The following PCDHGA4 variants were observed in gnomAD, a reference collection of about 807,000 sequenced individuals.
PCDHGA4 encodes the protein protocadherin gamma subfamily A, 4.
PCDHGA4 carries 38 observed loss-of-function variants against 54.6 expected under a neutral mutation model. The observed-to-expected ratio is 0.70, with a 90% CI of 0.54 to 0.91. The LOEUF (loss-of-function observed/expected upper bound fraction) is 0.91, where lower values mean the gene tolerates loss of function less well. Ranked by LOEUF, PCDHGA4 falls within the 40% of genes least tolerant of loss-of-function variation. The probability of loss-of-function intolerance (pLI) is 0.00; values close to 1 mark genes in which losing one functional copy is unlikely to be tolerated. For synonymous variants in PCDHGA4, 511 were observed against 512.9 expected (o/e 1.00, Z 0.05); for missense variants, 1,298 against 1,220.9 (o/e 1.06, Z -0.94).
At chr5:141,496,782 C>T (rs552953558) in intron 2 of PCDHGA4, among the ~76,000 whole-genome samples, 16 of 152,136 alleles carry the variant, frequency 1.1e-4, no homozygotes, top group South Asian at 2.1e-4. Context: ...TGAGCAGGGC[C>T]CTGTGCTAAA....
chr5:141,403,703 G>A (rs747321937), intron 1 of PCDHGA4: 5 of 1,613,946 alleles, frequency 3.1e-6, no homozygotes, highest in Non-Finnish European at 4.2e-6. Context: ...CCGAGTTAAA[G>A]TCCTTGAGAA....
chr5:141,375,211 T>G, intron 1 of PCDHGA4: 1 of 1,614,010 alleles, frequency 6.2e-7, no homozygotes, highest in Non-Finnish European at 8.5e-7. Flanking sequence ...ATCGAGACTC[T>G]GGCCTGAATG....
chr5:141,374,885 G>C, intron 1 of PCDHGA4: 1 of 1,613,634 alleles, frequency 6.2e-7, no homozygotes, highest in Non-Finnish European at 8.5e-7. Flanking sequence ...GACTGCCACC[G>C]ACCAGGATGA....
intron 1 of PCDHGA4, chr5:141,396,416 C>T (rs1336875388): frequency 6.6e-6 from 1 of 152,140 alleles, no homozygotes; most frequent in Non-Finnish European, 1.5e-5. Flanking sequence ...GTCAGGAGTT[C>T]AAGATCAGCC....
In PCDHGA4 at chr5:141,476,073, A is replaced by C. The variant is rs765071344; in HGVS notation, c.2515-18734A>C. On this transcript the variant is annotated intron_variant, in intron 1 of 3. Coordinates refer to ENST00000571252, the MANE Select transcript of PCDHGA4 (RefSeq NM_018917.4). The surrounding 1 kb of genome is among the most constrained non-coding windows in gnomAD (Gnocchi z 7.6). ...GCTGAAAGTTTCTCAGCGAAATCTC[A>C]GGGACGATCTGGACCCCGCTGAGAG... 4 of 1,524,010 alleles carry C rather than the reference A, an allele frequency of 2.6e-6. No individual in the cohort carries two copies. Among genetic ancestry groups the C allele is most frequent in the Admixed American group, 4.2e-5 (2 of 47,746 alleles). The allele number at this position is 1,524,010 out of a possible 1,614,324, so 94.4% of individuals were successfully genotyped here. A position where few individuals can be genotyped will look rare whatever the true frequency, so the allele number is the denominator to read the frequency against.
At chr5:141,427,525 C>T (rs779318429) in intron 1 of PCDHGA4, 9 of 611,980 alleles carry the variant, frequency 1.5e-5, no homozygotes, top group South Asian at 3.0e-5. Flanking sequence ...GAGCGGATCC[C>T]GGAGTACAAC....
intron 2 of PCDHGA4, among the ~76,000 whole-genome samples, chr5:141,503,950 C>T (rs1216385793): frequency 3.3e-5 from 5 of 152,180 alleles, no homozygotes; most frequent in Non-Finnish European, 7.3e-5. Flanking sequence ...CAAGGCCTAC[C>T]CTACAGCCTT....
intron 1 of PCDHGA4, chr5:141,376,461 T>C: frequency 1.2e-6 from 2 of 1,614,210 alleles, no homozygotes; most frequent in South Asian, 1.1e-5. Flanking sequence ...CCTCTTCTGA[T>C]AACTCAGGAT....
Position 141,362,245 on chromosome 5 carries a change from T to C in PCDHGA4, c.2514+4624T>C, listed in dbSNP as rs767098802. On this transcript the variant is annotated intron_variant, in intron 1 of 3. Coordinates refer to ENST00000571252, the MANE Select transcript of PCDHGA4 (RefSeq NM_018917.4). ...CTTGGCCTTGATCTCAGTGCTCTTC[T>C]TCCTCGCGGTGATTCTGGCAATCTC... 6.8e-6 allele frequency: 11 copies of C among 1,613,926 alleles called. No individual in the cohort carries two copies. The African/African-American group carries it at 1.2e-4, about 18-fold the overall frequency.
chr5:141,398,832 C>T (rs967769671), intron 1 of PCDHGA4: 3 of 1,614,000 alleles, frequency 1.9e-6, no homozygotes, highest in Non-Finnish European at 1.7e-6. Flanking sequence ...TAACCGACGC[C>T]AATGATAATC....
At position 141,432,476 on chromosome 5, in the gene PCDHGA4, A is replaced by T. The variant is rs778378071; in HGVS notation, c.2515-62331A>T. On this transcript the variant is annotated intron_variant, in intron 1 of 3. Transcript: ENST00000571252. This position sits in a 1 kb window ranked among gnomAD's most constrained non-coding sequence, Gnocchi z 6.0. ...CCCCGCCCTCCCCACGGACGGTTCC[A>T]CTGGCGTGGAGCTGGCTCCCCGCTC... 4.6e-5 allele frequency: 75 copies of T among 1,613,962 alleles called. No homozygotes were observed. In the South Asian group the frequency reaches 7.9e-4, roughly 17 times the overall value.
At chr5:141,466,621 T>A (rs911794654) in intron 1 of PCDHGA4, among the ~76,000 whole-genome samples, 1 of 152,208 alleles carries the variant, frequency 6.6e-6, no homozygotes, top group Non-Finnish European at 1.5e-5. Context: ...GCCGTTTTCT[T>A]TGGAGCATTG....
Position 141,476,641 on chromosome 5 carries a change from C to A in PCDHGA4, c.2515-18166C>A, listed in dbSNP as rs1183948220. The A allele has an allele frequency of 1.2e-6, 2 of 1,614,256 alleles. No homozygotes were observed. The highest frequency in any genetic ancestry group is 1.7e-5 in the Admixed American group (1 of 60,030). On this transcript the variant is annotated intron_variant, in intron 1 of 3. Transcript: ENST00000571252. This position sits in a 1 kb window ranked among gnomAD's most constrained non-coding sequence, Gnocchi z 7.6. ...ACTCTTTACAAACCTATGAGCTGAG[C>A]CGAAATGAATACTTTGCGCTTCGCG... is the stretch of plus-strand genomic sequence containing the variant.
In PCDHGA4 at chr5:141,510,992, T is replaced by C. The variant is rs879030278; in HGVS notation, c.2708T>C (p.Met903Thr). The change falls in exon 4 of 4, where the codon ATG (methionine) becomes ACG (threonine). Residue 903 changes from methionine to threonine, a missense_variant. By Grantham distance (81) the Met-to-Thr change is moderately conservative. Coordinates refer to ENST00000571252, the MANE Select transcript of PCDHGA4 (RefSeq NM_018917.4). ...SSTLGGGAGT[M>T]GLSARYGPQF... is the part of the protein sequence containing the mutation. ...ACCCTGGGAGGGGGTGCCGGCACCA[T>C]GGGATTGAGCGCCCGCTACGGACCC... The C allele has an allele frequency of 1.9e-6, 3 of 1,614,164 alleles. No individual in the cohort carries two copies. The highest frequency in any genetic ancestry group is 2.5e-6 in the Non-Finnish European group (3 of 1,180,006).
chr5:141,473,186 T>C (rs984810414), intron 1 of PCDHGA4, among the ~76,000 whole-genome samples: 1 of 152,134 alleles, frequency 6.6e-6, no homozygotes, highest in African/African-American at 2.4e-5. Flanking sequence ...CTTGAAGGAG[T>C]AAATGTATCT....
At chr5:141,413,449 G>T in intron 1 of PCDHGA4, 2 of 1,614,120 alleles carry the variant, frequency 1.2e-6, no homozygotes, top group South Asian at 2.2e-5. Context: ...GATCACCGCG[G>T]GCAGGATAGA....
chr5:141,421,965 C>T (rs775450008), intron 1 of PCDHGA4: 3 of 1,610,242 alleles, frequency 1.9e-6, no homozygotes, highest in Non-Finnish European at 2.5e-6. Context: ...TTACACAGTC[C>T]GTATATCGCG....
intron 1 of PCDHGA4, among the ~76,000 whole-genome samples, chr5:141,368,072 C>G (rs1432840614): frequency 6.6e-6 from 1 of 152,176 alleles, no homozygotes; most frequent in Non-Finnish European, 1.5e-5. Context: ...TATTTCCCTT[C>G]TGCATCTGAT....
chr5:141,490,405 ATC>A lies in PCDHGA4; in HGVS notation c.2515-4397_2515-4396del, dbSNP rs765446736. 1 of 1,614,142 alleles carries A rather than the reference ATC, an allele frequency of 6.2e-7. No individual in the cohort carries two copies. The highest frequency in any genetic ancestry group is 8.5e-7 in the Non-Finnish European group (1 of 1,180,028). ...TAGAAATGGTGAAGTGAGCCTTGATATCTCTCCGGACCTGCCATTTCAGATTA... is the reference window on the plus strand; with the variant it reads ...TAGAAATGGTGAAGTGAGCCTTGATATCTCCGGACCTGCCATTTCAGATTA... On this transcript the variant is annotated intron_variant, in intron 1 of 3. Transcript: ENST00000571252. The surrounding 1 kb of genome is among the most constrained non-coding windows in gnomAD (Gnocchi z 5.4).
Sources: gnomAD v4.1 joint callset for allele counts (sites outside exome capture counted in the v4.1 genomes callset) on GRCh38, gnomAD v4.1.1 for gene constraint, Gnocchi (gnomAD v3.1) non-coding constraint, MANE v1.5 for transcripts, NCBI Gene and HGNC (gene_info 2026-07-23, HGNC 2026-07-21) for gene names.